SNX10: variants seen among roughly 807,000 people sequenced by gnomAD.
SNX10 encodes sorting nexin 10.
A neutral mutation model predicts 28.5 loss-of-function variants in SNX10; 25 were observed. That is an observed-to-expected ratio of 0.88 (90% confidence interval 0.64 to 1.22). The LOEUF (loss-of-function observed/expected upper bound fraction) is 1.22. Among genes scored for constraint, SNX10 ranks in the 50% most tolerant of loss-of-function variants. The probability of loss-of-function intolerance (pLI) is 0.00; values close to 1 mark genes in which losing one functional copy is unlikely to be tolerated. For missense variants in SNX10, 223 were observed against 242.6 expected, an observed-to-expected ratio of 0.92 and a Z score of 0.54; for synonymous variants, 62 against 81.4, an observed-to-expected ratio of 0.76 and a Z score of 1.28.
At position 26,364,314 on chromosome 7, in the gene SNX10, C is replaced by T; in HGVS notation, c.112-221C>T. On this transcript the variant is annotated intron_variant, in intron 3 of 6. Coordinates refer to ENST00000338523, the MANE Select transcript of SNX10 (RefSeq NM_013322.3). This position sits in a 1 kb window ranked among gnomAD's most constrained non-coding sequence, Gnocchi z 4.9. ...AGGGAGTGGCCAGGTCATACCTCACCCTGGGGCAACACTGCTTATTTCCAT... is the reference window on the plus strand; with the variant it reads ...AGGGAGTGGCCAGGTCATACCTCACTCTGGGGCAACACTGCTTATTTCCAT... The T allele has an allele frequency of 8.0e-7, 1 of 1,247,820 alleles. No homozygotes were observed. Among genetic ancestry groups the T allele is most frequent in the Non-Finnish European group, 1.0e-6 (1 of 993,578 alleles). The allele number at this position is 1,247,820 out of a possible 1,614,324, so 77.3% of individuals were successfully genotyped here.
intron 1 of SNX10, among the ~76,000 whole-genome samples, chr7:26,298,944 C>T (rs578038365): frequency 6.6e-6 from 1 of 152,340 alleles, no homozygotes; most frequent in Admixed American, 6.5e-5. Context: ...TAAACCTAAT[C>T]ACCCCATCAG....
chr7:26,327,815 C>T (rs1184964986), intron 1 of SNX10, among the ~76,000 whole-genome samples: 4 of 146,936 alleles, frequency 2.7e-5, no homozygotes, highest in South Asian at 2.2e-4. Context: ...CTGCAAGCTC[C>T]GCCTCCCGGG....
chr7:26,324,422 T>A (rs1050343146), intron 1 of SNX10, among the ~76,000 whole-genome samples: 1 of 152,200 alleles, frequency 6.6e-6, no homozygotes, highest in South Asian at 2.1e-4. Context: ...TGCAGTGGTG[T>A]GATCATGGCT....
intron 1 of SNX10, among the ~76,000 whole-genome samples, chr7:26,294,815 T>G (rs1786049868): frequency 6.6e-6 from 1 of 152,200 alleles, no homozygotes; most frequent in Admixed American, 6.5e-5. Context: ...TTCTTTCTTT[T>G]TACAGATGTG....
At chr7:26,346,130 A>G (rs1255798095) in intron 1 of SNX10, among the ~76,000 whole-genome samples, 1 of 152,112 alleles carries the variant, frequency 6.6e-6, no homozygotes, top group Non-Finnish European at 1.5e-5. Context: ...TCGCCAATTC[A>G]CTAAGGCTCC....
chr7:26,301,400 C>T (rs1786359871), intron 1 of SNX10, among the ~76,000 whole-genome samples: 1 of 152,174 alleles, frequency 6.6e-6, no homozygotes, highest in Non-Finnish European at 1.5e-5. Flanking sequence ...TTTTTAGATT[C>T]AGGCTGGAAA....
rs1466973146 is a variant in SNX10, at chr7:26,339,539, TTTTC to T, written c.-23-6877_-23-6874del. Among the ~76,000 whole-genome samples, 155 of 39,248 alleles carry T rather than the reference TTTTC, an allele frequency of 3.9e-3. 7 individuals are homozygous for T. In the South Asian group the frequency reaches 0.087, roughly 22 times the overall value. The allele number at this position is 39,248 out of a possible 152,430, so 25.7% of individuals were successfully genotyped here. On this transcript the variant is annotated intron_variant, in intron 1 of 6. Transcript: ENST00000338523. The stretch of plus-strand genomic sequence containing the variant: ...TGTTGTTGAGCTTGATCTTTTTTTT[TTTTC>T]TTTTTTTTTTGACAGAGTCTCACTC...
At chr7:26,295,388 C>T (rs556788558) in intron 1 of SNX10, among the ~76,000 whole-genome samples, 22 of 152,194 alleles carry the variant, frequency 1.4e-4, no homozygotes, top group African/African-American at 4.8e-4. Context: ...TGCAAAAGTG[C>T]ATTATTCTGG....
chr7:26,323,733 C>T (rs1787394539), intron 1 of SNX10, among the ~76,000 whole-genome samples: 1 of 152,186 alleles, frequency 6.6e-6, no homozygotes, highest in Non-Finnish European at 1.5e-5. Flanking sequence ...GGCAAGACTG[C>T]AGAGTCATTA....
intron 5 of SNX10, among the ~76,000 whole-genome samples, chr7:26,365,934 T>C (rs1335964421): frequency 6.6e-6 from 1 of 152,154 alleles, no homozygotes; most frequent in Non-Finnish European, 1.5e-5. Context: ...ACCTACCTCA[T>C]AGGGTTGTTG....
Position 26,364,896 on chromosome 7 carries a change from T to TATTATA in SNX10, c.213-150_213-145dup. 1 of 594,676 alleles carries TATTATA rather than the reference T, an allele frequency of 1.7e-6. No homozygotes were observed. The highest frequency in any genetic ancestry group is 1.9e-5 in the African/African-American group (1 of 54,032). 36.8% of individuals were successfully genotyped at this position (594,676 alleles called of 1,614,324 possible). A position where few individuals can be genotyped will look rare whatever the true frequency, so the allele number is the denominator to read the frequency against. On this transcript the variant is annotated intron_variant, in intron 4 of 6. Transcript: ENST00000338523. The surrounding 1 kb of genome is among the most constrained non-coding windows in gnomAD (Gnocchi z 4.9). The stretch of plus-strand genomic sequence containing the variant: ...CTTTAAGCTGACTTCCTGATACCCT[T>TATTATA]ATTATATAACTATATAATGTATAAT...
At chr7:26,363,512 T>G (rs1018665846) in intron 3 of SNX10, among the ~76,000 whole-genome samples, 1 of 152,190 alleles carries the variant, frequency 6.6e-6, no homozygotes, top group African/African-American at 2.4e-5. Context: ...CTAGAGATAC[T>G]CATATTTTCA....
intron 1 of SNX10, among the ~76,000 whole-genome samples, chr7:26,332,298 C>G (rs925952133): frequency 1.3e-5 from 2 of 152,166 alleles, no homozygotes; most frequent in Admixed American, 1.3e-4. Flanking sequence ...AGAGTGGTAT[C>G]TTACCATGGT....
intron 1 of SNX10, among the ~76,000 whole-genome samples, chr7:26,334,829 T>A (rs1787860612): frequency 1.3e-5 from 2 of 152,254 alleles, no homozygotes; most frequent in South Asian, 4.1e-4. Flanking sequence ...ATCAGAGTTC[T>A]GCTGTTTTTC....
chr7:26,342,690 C>T (rs1165433411), intron 1 of SNX10, among the ~76,000 whole-genome samples: 2 of 152,124 alleles, frequency 1.3e-5, no homozygotes, highest in Admixed American at 1.3e-4. Context: ...GACATGATCA[C>T]CATTTTCACT....
intron 2 of SNX10, among the ~76,000 whole-genome samples, chr7:26,351,646 G>GGTTTTTTTTTTTT (rs1788600968): frequency 8.9e-6 from 1 of 112,636 alleles, no homozygotes; most frequent in Non-Finnish European, 1.8e-5. Flanking sequence ...AAGCAGTCTG[G>GGTTTTTTTTTTTT]TTTTTTTTTT....
intron 1 of SNX10, among the ~76,000 whole-genome samples, chr7:26,319,067 C>T (rs772559855): frequency 4.3e-4 from 66 of 152,196 alleles, no homozygotes; most frequent in Non-Finnish European, 8.4e-4. Flanking sequence ...ATGATCAAAC[C>T]CCTGTGTCAG....
At chr7:26,328,431 G>T (rs145413111) in intron 1 of SNX10, among the ~76,000 whole-genome samples, 1 of 152,290 alleles carries the variant, frequency 6.6e-6, no homozygotes, top group African/African-American at 2.4e-5. Context: ...CAGAATGTCC[G>T]CATGAAGAGA....
chr7:26,312,888 C>T (rs985275718), intron 1 of SNX10, among the ~76,000 whole-genome samples: 2 of 151,890 alleles, frequency 1.3e-5, no homozygotes, highest in Non-Finnish European at 2.9e-5. Context: ...CCATTTTTTG[C>T]CTATCTAGGA....
Sources: gnomAD v4.1 joint callset for allele counts (sites outside exome capture counted in the v4.1 genomes callset) on GRCh38, gnomAD v4.1.1 for gene constraint, Gnocchi (gnomAD v3.1) non-coding constraint, MANE v1.5 for transcripts, NCBI Gene and HGNC (gene_info 2026-07-23, HGNC 2026-07-21) for gene names.